SLC24A2: variants seen among roughly 807,000 people sequenced by gnomAD.
SLC24A2 encodes sodium/potassium/calcium exchanger 2.
SLC24A2 carries 36 observed loss-of-function variants against 62.0 expected under a neutral mutation model. The observed-to-expected ratio is 0.58, with a 90% CI of 0.44 to 0.77. The LOEUF (loss-of-function observed/expected upper bound fraction) is 0.77. Ranked by LOEUF, SLC24A2 falls within the 30% of genes least tolerant of loss-of-function variation. The pLI, the probability that SLC24A2 is intolerant of heterozygous loss-of-function variation, is 0.00. For synonymous variants in SLC24A2, 358 were observed against 294.0 expected, an observed-to-expected ratio of 1.22 and a Z score of -2.23; for missense variants, 846 against 817.9, an observed-to-expected ratio of 1.03 and a Z score of -0.42.
rs181892589 is a variant in SLC24A2, at chr9:19,740,838, T to C, written c.930+45099A>G. Among the ~76,000 whole-genome samples the C allele has an allele frequency of 2.0e-4, 30 of 150,410 alleles. 1 individual carries two copies. The highest frequency in any genetic ancestry group is 1.9e-3 in the Admixed American group (28 of 15,062). ...TTGTTTCACTATTCTTTCCATTTTG[T>C]GTATATTTGAAATTTTCCATTATAA... On this transcript the variant is annotated intron_variant, in intron 2 of 10. Transcript: ENST00000341998.
chr9:20,163,362 G>A, the SLC24A2 span, among the ~76,000 whole-genome samples: 1 of 152,074 alleles, frequency 6.6e-6, no homozygotes, highest in African/African-American at 2.4e-5. Flanking sequence ...GCCAAATCAT[G>A]AGTGAACTCC....
intron 2 of SLC24A2, among the ~76,000 whole-genome samples, chr9:19,708,949 T>C (rs1820623456): frequency 1.3e-5 from 2 of 152,006 alleles, no homozygotes; most frequent in African/African-American, 4.8e-5. Flanking sequence ...CAAAAGAAAC[T>C]ACCATCATAG....
At chr9:19,696,683 G>C (rs909789904) in intron 2 of SLC24A2, among the ~76,000 whole-genome samples, 1 of 151,990 alleles carries the variant, frequency 6.6e-6, no homozygotes, top group Non-Finnish European at 1.5e-5. Context: ...AGAAAATATT[G>C]CATCCAGGAA....
chr9:19,765,490 T>C (rs1822486376), intron 2 of SLC24A2, among the ~76,000 whole-genome samples: 2 of 152,226 alleles, frequency 1.3e-5, no homozygotes, highest in African/African-American at 4.8e-5. Flanking sequence ...AAGGCAGGCC[T>C]GGTGGTGACA....
intron 7 of SLC24A2, among the ~76,000 whole-genome samples, chr9:19,552,058 A>G (rs1834872666): frequency 6.6e-6 from 1 of 152,180 alleles, no homozygotes; most frequent in Non-Finnish European, 1.5e-5. Context: ...GGAAGTTGAC[A>G]GTTTATTTTG....
At chr9:19,865,746 T>A in the SLC24A2 span, among the ~76,000 whole-genome samples, 2 of 152,146 alleles carry the variant, frequency 1.3e-5, no homozygotes. Context: ...GTGAAACTAG[T>A]ACAGGGAAAC....
chr9:19,778,940 C>T (rs966800482), intron 2 of SLC24A2, among the ~76,000 whole-genome samples: 2 of 151,992 alleles, frequency 1.3e-5, no homozygotes, highest in Admixed American at 1.3e-4. Flanking sequence ...AAATTAGAAA[C>T]AATGAAAAGC....
At chr9:19,974,668 A>C in the SLC24A2 span, among the ~76,000 whole-genome samples, 116 of 152,336 alleles carry the variant, frequency 7.6e-4, 1 homozygote, top group African/African-American at 2.7e-3. Flanking sequence ...AACCACTTGG[A>C]AACATTTGGT....
At chr9:20,135,045 C>T in the SLC24A2 span, among the ~76,000 whole-genome samples, 3 of 152,056 alleles carry the variant, frequency 2.0e-5, no homozygotes, top group Non-Finnish European at 4.4e-5. Flanking sequence ...ATTTATTAAG[C>T]AGACATCTTT....
chr9:20,044,239 G>A, the SLC24A2 span, among the ~76,000 whole-genome samples: 1 of 151,978 alleles, frequency 6.6e-6, no homozygotes, highest in East Asian at 1.9e-4. Context: ...TTACATGCAC[G>A]ACGAAACCAA....
chr9:19,976,995 A>G, the SLC24A2 span, among the ~76,000 whole-genome samples: 7 of 152,362 alleles, frequency 4.6e-5, no homozygotes, highest in African/African-American at 1.7e-4. Flanking sequence ...AAGTCCAACT[A>G]CAGTCACAAC....
intron 5 of SLC24A2, 83 bp downstream of exon 5, chr9:19,597,145 GA>G (rs1461436686): frequency 2.2e-5 from 20 of 898,912 alleles, no homozygotes; most frequent in East Asian, 4.8e-5. Flanking sequence ...ATGCAGAGAG[GA>G]AAAAAAAGAA....
chr9:20,139,996 G>A, the SLC24A2 span, among the ~76,000 whole-genome samples: 5 of 152,196 alleles, frequency 3.3e-5, no homozygotes, highest in African/African-American at 7.2e-5. Flanking sequence ...CCAGGTGCCC[G>A]GGGACTGATG....
chr9:20,165,169 G>C, the SLC24A2 span, among the ~76,000 whole-genome samples: 3 of 151,614 alleles, frequency 2.0e-5, no homozygotes, highest in African/African-American at 7.3e-5. Flanking sequence ...AAATAACACG[G>C]AAAAGCCTAC....
At chr9:19,720,068 C>A (rs2118645647) in intron 2 of SLC24A2, among the ~76,000 whole-genome samples, 1 of 152,172 alleles carries the variant, frequency 6.6e-6, no homozygotes, top group East Asian at 1.9e-4. Flanking sequence ...TGGAGGTAAA[C>A]CGGAAAGGCT....
chr9:19,679,936 A>T (rs1819672304), intron 2 of SLC24A2, among the ~76,000 whole-genome samples: 1 of 151,634 alleles, frequency 6.6e-6, no homozygotes, highest in Non-Finnish European at 1.5e-5. Flanking sequence ...GGAGAACCCT[A>T]ACCACATAAA....
intron 2 of SLC24A2, among the ~76,000 whole-genome samples, chr9:19,730,612 G>C (rs1348688898): frequency 6.6e-6 from 1 of 152,028 alleles, no homozygotes; most frequent in African/African-American, 2.4e-5. Context: ...TAAAAAGCTA[G>C]TTGTAGAATT....
At chr9:19,779,505 T>C (rs1227439370) in intron 2 of SLC24A2, among the ~76,000 whole-genome samples, 2 of 152,210 alleles carry the variant, frequency 1.3e-5, no homozygotes, top group Admixed American at 6.5e-5. Flanking sequence ...TTGTCCTATA[T>C]TTCAAGAACA....
At chr9:19,896,933 G>A in the SLC24A2 span, among the ~76,000 whole-genome samples, 1 of 152,222 alleles carries the variant, frequency 6.6e-6, no homozygotes, top group Non-Finnish European at 1.5e-5. Context: ...TAATTTAAGA[G>A]TTGGGAAAAA....
Sources: gnomAD v4.1 joint callset for allele counts (sites outside exome capture counted in the v4.1 genomes callset) on GRCh38, gnomAD v4.1.1 for gene constraint, MANE v1.5 for transcripts, NCBI Gene and HGNC (gene_info 2026-07-23, HGNC 2026-07-21) for gene names.